CBL: variants seen among roughly 807,000 people sequenced by gnomAD.
The protein encoded by CBL is Cbl proto-oncogene, also known as E3 ubiquitin-protein ligase CBL.
A neutral mutation model predicts 96.9 loss-of-function variants in CBL; 45 were observed. The ratio of observed to expected loss-of-function variants is 0.46; its 90% CI spans 0.37 to 0.60. The LOEUF (loss-of-function observed/expected upper bound fraction) is 0.60, where lower values mean the gene tolerates loss of function less well. Ranked by LOEUF, CBL falls within the 20% of genes least tolerant of loss-of-function variation. The probability of loss-of-function intolerance (pLI) is 0.00; values close to 1 mark genes in which losing one functional copy is unlikely to be tolerated. For synonymous variants in CBL, 420 were observed against 426.8 expected (o/e 0.98, Z 0.20); for missense variants, 1,024 against 1,143.5 (o/e 0.90, Z 1.51).
chr11:119,298,602 G>C, intron 15 of CBL, 62 bp downstream of exon 15: 1 of 1,419,406 alleles, frequency 7.0e-7, no homozygotes, highest in Non-Finnish European at 1.0e-6. Flanking sequence ...TGTTTATATT[G>C]AAAGGGAGAT....
intron 1 of CBL, among the ~76,000 whole-genome samples, chr11:119,223,852 C>T (rs1402409315): frequency 1.3e-5 from 2 of 152,102 alleles, no homozygotes; most frequent in African/African-American, 4.8e-5. Flanking sequence ...GTCTCGATCT[C>T]CTGACCTCAT....
chr11:119,279,984 A>T (rs1949921011), intron 9 of CBL, among the ~76,000 whole-genome samples: 1 of 152,208 alleles, frequency 6.6e-6, no homozygotes, highest in Non-Finnish European at 1.5e-5. Context: ...GACAGTGAAC[A>T]TTGTTCCAAA....
Position 119,296,988 on chromosome 11 carries a change from C to A in CBL, c.2107C>A (p.Pro703Thr). ...EGEEDTEYMTPSSRPLRPLDT... is the reference protein window; with the variant it reads ...EGEEDTEYMTTSSRPLRPLDT... ...TGAAGAGGACACAGAGTACATGACT[C>A]CCTCTTCCAGGCCTCTACGGCCTTT... Residue 703 changes from proline (P) to threonine (T), a missense_variant, in exon 13 of 16, where the codon CCC (proline) becomes ACC (threonine). Coordinates refer to ENST00000264033, the MANE Select transcript of CBL (RefSeq NM_005188.4). 6.2e-7 allele frequency: 1 copy of A among 1,611,922 alleles called. No individual in the cohort carries two copies.
At chr11:119,214,275 C>T (rs1021732538) in intron 1 of CBL, among the ~76,000 whole-genome samples, 1 of 150,946 alleles carries the variant, frequency 6.6e-6, no homozygotes, top group Non-Finnish European at 1.5e-5. Context: ...GAGTCTCGCT[C>T]TGTCACCCAG....
chr11:119,226,257 T>G (rs1044036685), intron 1 of CBL, among the ~76,000 whole-genome samples: 2 of 152,168 alleles, frequency 1.3e-5, no homozygotes, highest in African/African-American at 4.8e-5. Context: ...AAGGGTGATA[T>G]GAGGTCCACT....
intron 2 of CBL, among the ~76,000 whole-genome samples, chr11:119,269,290 A>G (rs936334322): frequency 1.5e-5 from 2 of 136,182 alleles, no homozygotes; most frequent in African/African-American, 2.9e-5. Context: ...TCTGTCGTCC[A>G]GGCTGGAGTG....
At chr11:119,270,481 C>T (rs1949837774) in intron 2 of CBL, among the ~76,000 whole-genome samples, 1 of 109,538 alleles carries the variant, frequency 9.1e-6, no homozygotes. Flanking sequence ...GAGTCTCGCT[C>T]TGTCGCCCAG....
At position 119,304,748 on chromosome 11, in the gene CBL, C is replaced by T. The variant is rs936396791; in HGVS notation, c.*4967C>T. ...TTCAAGCAGTTCTCTGCCTCAACCT[C>T]CCGAGTAGCTGGGATTACAGGCGCC... On this transcript the variant is annotated 3_prime_UTR_variant, in exon 16 of 16. Coordinates refer to ENST00000264033, the MANE Select transcript of CBL (RefSeq NM_005188.4). 3 of 196,188 alleles carry T rather than the reference C, an allele frequency of 1.5e-5. No homozygotes were observed. Among genetic ancestry groups the T allele is most frequent in the African/African-American group, 6.9e-5 (3 of 43,214 alleles). 12.2% of individuals were successfully genotyped at this position (196,188 alleles called of 1,614,324 possible).
chr11:119,221,488 C>T (rs1949410617), intron 1 of CBL, among the ~76,000 whole-genome samples: 1 of 152,020 alleles, frequency 6.6e-6, no homozygotes, highest in Non-Finnish European at 1.5e-5. Context: ...TCACTATAAG[C>T]TGGGCACAGT....
intron 2 of CBL, among the ~76,000 whole-genome samples, chr11:119,235,478 T>C (rs1168510719): frequency 6.6e-6 from 1 of 152,178 alleles, no homozygotes; most frequent in Non-Finnish European, 1.5e-5. Flanking sequence ...AAATGGATCC[T>C]CATAAAGGTC....
chr11:119,271,656 C>A, intron 2 of CBL, 79 bp from the exon 3 acceptor site: 1 of 1,148,020 alleles, frequency 8.7e-7, no homozygotes, highest in Non-Finnish European at 1.3e-6. Flanking sequence ...GTTAATTATA[C>A]ATCTTGTATG....
intron 9 of CBL, among the ~76,000 whole-genome samples, chr11:119,283,625 C>CTTTTTTTTTTATTTTTTTTTTTTTTTT (rs1949955295): frequency 2.2e-5 from 1 of 45,512 alleles, no homozygotes; most frequent in Non-Finnish European, 4.1e-5. Flanking sequence ...TTAATTCTTT[C>CTTTTTTTTTTATTTTTTTTTTTTTTTT]TTTTTTTTTT....
chr11:119,285,406 C>T lies in CBL; in HGVS notation c.1781C>T (p.Pro594Leu), dbSNP rs1439720739. 1.9e-6 allele frequency: 3 copies of T among 1,614,202 alleles called. No homozygotes were observed. Among genetic ancestry groups the T allele is most frequent in the Non-Finnish European group, 2.5e-6 (3 of 1,180,036 alleles). ...SRLGDSWLPRPIPKVPVSAPS... is the reference protein window; with the variant it reads ...SRLGDSWLPRLIPKVPVSAPS... ...CTTGGAGACTCATGGCTGCCCCGGC[C>T]AATCCCCAAAGTACCAGTATCTGCC... The change falls in exon 11 of 16, where the codon CCA becomes CTA. Residue 594 changes from proline (P) to leucine (L), a missense_variant. Pro to Leu is a moderately conservative substitution (Grantham distance 98). Around this residue, in one of 4 missense-constraint regions of CBL, gnomAD observed 695 missense variants for 661.6 expected, o/e 1.05. Transcript: ENST00000264033.
chr11:119,209,708 G>A (rs557478409), intron 1 of CBL, among the ~76,000 whole-genome samples: 1 of 152,208 alleles, frequency 6.6e-6, no homozygotes, highest in Non-Finnish European at 1.5e-5. Flanking sequence ...TGTTGTTGAA[G>A]CTGGATGAAT....
At chr11:119,271,197 C>T (rs1380978716) in intron 2 of CBL, among the ~76,000 whole-genome samples, 1 of 152,104 alleles carries the variant, frequency 6.6e-6, no homozygotes, top group African/African-American at 2.4e-5. Flanking sequence ...ACATTGGTTT[C>T]CTAACATTTT....
chr11:119,273,488 G>A (rs964638011), intron 3 of CBL, among the ~76,000 whole-genome samples: 2 of 152,106 alleles, frequency 1.3e-5, no homozygotes, highest in Non-Finnish European at 2.9e-5. Flanking sequence ...GCAGTGGCAC[G>A]ATCTCACTTG....
At chr11:119,224,595 ATTTTT>A (rs1949440592) in intron 1 of CBL, among the ~76,000 whole-genome samples, 1 of 152,014 alleles carries the variant, frequency 6.6e-6, no homozygotes, top group East Asian at 1.9e-4. Flanking sequence ...TATTTTTTGT[ATTTTT>A]TGTTTGTTTG....
intron 1 of CBL, among the ~76,000 whole-genome samples, chr11:119,217,136 A>T (rs1020765362): frequency 5.3e-5 from 8 of 152,020 alleles, no homozygotes; most frequent in African/African-American, 1.9e-4. Flanking sequence ...TTTTTTTCTG[A>T]GACACAGTTT....
rs1319565212 is a variant in CBL, at chr11:119,298,558, T to G, written c.2434+18T>G. Reference sequence around the variant, plus strand: ...TACAACAAGTGAGTCTCCAGACTACTTTGGGTTTGTCCTGAATGGCAGTGT... The same window carrying G: ...TACAACAAGTGAGTCTCCAGACTACGTTGGGTTTGTCCTGAATGGCAGTGT... On this transcript the variant is annotated intron_variant, in intron 15 of 15. Transcript: ENST00000264033. 1.9e-6 allele frequency: 3 copies of G among 1,612,756 alleles called. No homozygotes were observed. The highest frequency in any genetic ancestry group is 2.5e-6 in the Non-Finnish European group (3 of 1,178,738).
Sources: allele counts gnomAD v4.1 joint callset (sites outside exome capture counted in the v4.1 genomes callset), GRCh38; gene constraint gnomAD v4.1.1; regional missense constraint gnomAD v4.1.1; transcripts MANE v1.5; gene names NCBI Gene and HGNC (gene_info 2026-07-23, HGNC 2026-07-21).